Variants in CELF2 observed in about 807,000 individuals in gnomAD.
CELF2 encodes the protein CUGBP Elav-like family member 2, also known as CUG triplet repeat RNA-binding protein 2.
Under a neutral mutation model 62.6 loss-of-function variants are expected in CELF2, and 8 were observed. The observed-to-expected ratio is 0.13, with a 90% CI of 0.07 to 0.23. The LOEUF (loss-of-function observed/expected upper bound fraction) is 0.23. CELF2 is among the 10% of genes least tolerant of loss of function. The pLI is 1.00. For missense variants in CELF2, 333 were observed against 671.0 expected (o/e 0.50, Z 5.56); for synonymous variants, 258 against 250.0 (o/e 1.03, Z -0.30).
At chr10:11,001,834 AT>A, upstream of CELF2, among the ~76,000 whole-genome samples, 1 of 152,096 alleles carries the variant, frequency 6.6e-6, no homozygotes, top group East Asian at 1.9e-4. Context: ...AATAATCAGG[AT>A]TGTTAAAAAT....
At position 11,005,595 on chromosome 10, in the gene CELF2, C is replaced by T. The variant is rs2055108638; in HGVS notation, c.53+155C>T. Among the ~76,000 whole-genome samples the T allele has an allele frequency of 6.6e-6, 1 of 151,846 alleles. No homozygotes were observed. Among genetic ancestry groups the T allele is most frequent in the South Asian group, 2.1e-4 (1 of 4,776 alleles). On this transcript the variant is annotated intron_variant, in intron 1 of 12. Coordinates refer to the CELF2 transcript ENST00000416382. The surrounding 1 kb of genome is among the most constrained non-coding windows in gnomAD (Gnocchi z 4.3). ...AGGAAGAGGGAGATGAAATCGAGAC[C>T]CAGAGATTGGGAGAAAGAGAGAGCC...
intron 1 of CELF2, among the ~76,000 whole-genome samples, chr10:11,160,164 C>T (rs1596367153): frequency 6.6e-6 from 1 of 152,224 alleles, no homozygotes; most frequent in Admixed American, 6.5e-5. Flanking sequence ...TCTCTGGGTC[C>T]AGACCATAGC....
At chr10:10,851,778 TAAGTGGGCAA>T (rs1445846651) in intron 1 of CELF2, among the ~76,000 whole-genome samples, 1 of 152,126 alleles carries the variant, frequency 6.6e-6, no homozygotes, top group Non-Finnish European at 1.5e-5. Context: ...CCCAATTTTT[TAAGTGGGCAA>T]AAAAATCGAG....
chr10:10,973,087 C>T (rs921131032), intron 2 of CELF2, among the ~76,000 whole-genome samples: 9 of 151,848 alleles, frequency 5.9e-5, no homozygotes, highest in African/African-American at 1.2e-4. Flanking sequence ...GTCAGGAGTT[C>T]GAGACCAGCC....
At chr10:11,278,354 TG>T in intron 8 of CELF2, among the ~76,000 whole-genome samples, 1 of 152,388 alleles carries the variant, frequency 6.6e-6, no homozygotes. Context: ...ATCTACTTTT[TG>T]TGCCTCCTTG....
intron 2 of CELF2, among the ~76,000 whole-genome samples, chr10:10,939,277 G>GTGGTGTTGT (rs138349252): frequency 2.6e-4 from 37 of 144,324 alleles, no homozygotes; most frequent in African/African-American, 9.3e-4. Context: ...TTGTTTTGTG[G>GTGGTGTTGT]TGTTGTTGTT....
At position 11,220,737 on chromosome 10, in the gene CELF2, C is replaced by G. The variant is rs573675821; in HGVS notation, c.354+3230C>G. On this transcript the variant is annotated intron_variant, in intron 3 of 12. Coordinates refer to ENST00000633077, the MANE Select transcript of CELF2 (RefSeq NM_001326342.2). This position sits in a 1 kb window ranked among gnomAD's most constrained non-coding sequence, Gnocchi z 4.4. ...GAGCAAGGGATGAGAGTCTGGGAGT[C>G]CTTCCCTTGGTTTGATCACACATCT... 6.6e-6 allele frequency among the ~76,000 whole-genome samples: 1 copy of G among 152,328 alleles called. No homozygotes were observed. Among genetic ancestry groups the G allele is most frequent in the South Asian group, 2.1e-4 (1 of 4,828 alleles).
the CELF2 span, among the ~76,000 whole-genome samples, chr10:10,597,220 A>C: frequency 1.1e-4 from 16 of 152,230 alleles, no homozygotes; most frequent in African/African-American, 3.9e-4. Context: ...TGACTCAACC[A>C]AAGAGGCCCA....
chr10:10,641,188 G>T, the CELF2 span, among the ~76,000 whole-genome samples: 1 of 152,148 alleles, frequency 6.6e-6, no homozygotes, highest in Non-Finnish European at 1.5e-5. Context: ...GCATACGGTT[G>T]TGGGAATAAT....
chr10:10,739,436 T>C, the CELF2 span, among the ~76,000 whole-genome samples: 1 of 152,202 alleles, frequency 6.6e-6, no homozygotes, highest in Admixed American at 6.5e-5. Context: ...TATACCATTT[T>C]TGGGCATTTT....
the CELF2 span, among the ~76,000 whole-genome samples, chr10:10,670,144 G>A: frequency 0.025 from 3,777 of 152,008 alleles, 135 homozygotes; most frequent in African/African-American, 0.085. Context: ...TCAGGTGATC[G>A]GGCCACTTTG....
chr10:10,607,890 G>A, the CELF2 span, among the ~76,000 whole-genome samples: 2 of 151,926 alleles, frequency 1.3e-5, no homozygotes, highest in African/African-American at 4.8e-5. Context: ...CAGGAGGTGG[G>A]AGGTGGCAGG....
At chr10:11,006,395 C>T (rs185610449) in intron 1 of CELF2, among the ~76,000 whole-genome samples, 1 of 152,170 alleles carries the variant, frequency 6.6e-6, no homozygotes, top group East Asian at 1.9e-4. Flanking sequence ...TGCATTCTGC[C>T]GCTATGTTGG....
At chr10:10,582,472 T>C in the CELF2 span, among the ~76,000 whole-genome samples, 3 of 152,196 alleles carry the variant, frequency 2.0e-5, no homozygotes, top group Admixed American at 6.5e-5. Context: ...TTAGCGATTA[T>C]AGAGTCAAGG....
chr10:10,590,866 T>C, the CELF2 span, among the ~76,000 whole-genome samples: 1 of 152,260 alleles, frequency 6.6e-6, no homozygotes, highest in East Asian at 1.9e-4. Flanking sequence ...TATTTGTCTC[T>C]GTCTCATTCT....
the CELF2 span, among the ~76,000 whole-genome samples, chr10:10,555,163 G>A: frequency 6.6e-6 from 1 of 152,150 alleles, no homozygotes; most frequent in African/African-American, 2.4e-5. Flanking sequence ...ATGCCACCCA[G>A]AGGATAGAGG....
intron 9 of CELF2, among the ~76,000 whole-genome samples, chr10:11,293,143 G>A (rs974889717): frequency 3.9e-5 from 6 of 152,172 alleles, no homozygotes; most frequent in African/African-American, 9.6e-5. Flanking sequence ...CAGCCACGCC[G>A]TCGGCCTTTA....
the CELF2 span, among the ~76,000 whole-genome samples, chr10:10,727,114 C>T: frequency 9.2e-5 from 14 of 152,146 alleles, no homozygotes; most frequent in African/African-American, 2.4e-4. Flanking sequence ...AGATCACCTC[C>T]GGCCAGGCCC....
At chr10:10,607,815 G>T in the CELF2 span, among the ~76,000 whole-genome samples, 208 of 152,288 alleles carry the variant, frequency 1.4e-3, 1 homozygote, top group African/African-American at 4.7e-3. Flanking sequence ...ATCAGGCTGG[G>T]CATGGTGGCT....
Sources: gnomAD v4.1 joint callset for allele counts (sites outside exome capture counted in the v4.1 genomes callset) on GRCh38, gnomAD v4.1.1 for gene constraint, Gnocchi (gnomAD v3.1) non-coding constraint, MANE v1.5 for transcripts, NCBI Gene and HGNC (gene_info 2026-07-23, HGNC 2026-07-21) for gene names.